The following NPEPPS variants were observed in gnomAD, a reference collection of about 807,000 sequenced individuals.
NPEPPS encodes the protein aminopeptidase puromycin sensitive.
NPEPPS carries 14 observed loss-of-function variants against 115.5 expected under a neutral mutation model. The observed-to-expected ratio is 0.12, with a 90% CI of 0.08 to 0.19. The LOEUF is 0.19. Among genes scored for constraint, NPEPPS ranks in the 10% least tolerant of loss-of-function variants. NPEPPS has a pLI of 1.00. For synonymous variants in NPEPPS, 285 were observed against 390.6 expected (o/e 0.73, Z 3.19); for missense variants, 523 against 1,110.8 (o/e 0.47, Z 7.52).
chr17:47,559,966 C>T (rs1910324229), intron 2 of NPEPPS, among the ~76,000 whole-genome samples: 1 of 152,194 alleles, frequency 6.6e-6, no homozygotes, highest in Admixed American at 6.5e-5. Flanking sequence ...CCTATAGCCT[C>T]AGCTTCTAAA....
chr17:47,588,019 A>G (rs2143860896), intron 9 of NPEPPS, among the ~76,000 whole-genome samples: 1 of 151,792 alleles, frequency 6.6e-6, no homozygotes, highest in South Asian at 2.1e-4. Flanking sequence ...TAAGTGAACT[A>G]GATGTACCTC....
At chr17:47,535,358 T>C (rs1908148844) in intron 1 of NPEPPS, among the ~76,000 whole-genome samples, 1 of 148,160 alleles carries the variant, frequency 6.7e-6, no homozygotes, top group Non-Finnish European at 1.5e-5. Flanking sequence ...GAGACCATCC[T>C]GGCTAACCCA....
chr17:47,570,334 A>T (rs1480381343), intron 3 of NPEPPS, among the ~76,000 whole-genome samples: 1 of 152,216 alleles, frequency 6.6e-6, no homozygotes, highest in Non-Finnish European at 1.5e-5. Context: ...AGGCAAGAAA[A>T]TCGCCAGAAG....
chr17:47,531,575 C>T lies in NPEPPS; in HGVS notation c.255+20C>T. The T allele has an allele frequency of 4.4e-6, 7 of 1,584,960 alleles. No individual in the cohort carries two copies. Among genetic ancestry groups the T allele is most frequent in the Non-Finnish European group, 6.0e-6 (7 of 1,167,712 alleles). Reference sequence around the variant, plus strand: ...GCCCAGGTACAGCGACCCTCGGGCCCCGGGGCAAGCTGCGGGGCGAGCAGT... The same window carrying T: ...GCCCAGGTACAGCGACCCTCGGGCCTCGGGGCAAGCTGCGGGGCGAGCAGT... On this transcript the variant is annotated intron_variant, in intron 1 of 22. Coordinates refer to ENST00000322157, the MANE Select transcript of NPEPPS (RefSeq NM_006310.4).
intron 1 of NPEPPS, 147 bp from the exon 2 acceptor site, chr17:47,545,762 T>G (rs1909157181): frequency 8.7e-7 from 1 of 1,146,668 alleles, no homozygotes; most frequent in East Asian, 2.6e-5. Context: ...TTTTCCAGGC[T>G]GGTCTCACTC....
At chr17:47,602,320 T>C (rs764389983) in intron 15 of NPEPPS, among the ~76,000 whole-genome samples, 23 of 152,070 alleles carry the variant, frequency 1.5e-4, no homozygotes, top group Admixed American at 4.6e-4. Flanking sequence ...CAGACATTTG[T>C]GCTTTTTTTT....
chr17:47,531,730 C>G (rs1415048086), intron 1 of NPEPPS, among the ~76,000 whole-genome samples, 175 bp downstream of exon 1: 30 of 114,278 alleles, frequency 2.6e-4, no homozygotes, highest in African/African-American at 9.3e-4. Flanking sequence ...GGGGCTGGGG[C>G]TGGGGCTGGG....
chr17:47,616,596 A>T (rs935238309), intron 19 of NPEPPS, among the ~76,000 whole-genome samples: 4 of 151,540 alleles, frequency 2.6e-5, no homozygotes, highest in African/African-American at 9.7e-5. Context: ...AGGCAGGAGC[A>T]TTGCTTGAAC....
chr17:47,617,360 C>A (rs1914270367), intron 19 of NPEPPS, among the ~76,000 whole-genome samples: 1 of 152,014 alleles, frequency 6.6e-6, no homozygotes, highest in Non-Finnish European at 1.5e-5. Context: ...GGGTTCTCCC[C>A]CACCCCCTTT....
At chr17:47,544,181 AC>A (rs1330257547) in intron 1 of NPEPPS, among the ~76,000 whole-genome samples, 1 of 152,080 alleles carries the variant, frequency 6.6e-6, no homozygotes, top group African/African-American at 2.4e-5. Context: ...GGCGTGAGCC[AC>A]CGTGCCCGGC....
At chr17:47,523,481 C>G (rs981875000) in intron 1 of NPEPPS, among the ~76,000 whole-genome samples, 14 of 151,062 alleles carry the variant, frequency 9.3e-5, no homozygotes, top group African/African-American at 3.4e-4. Flanking sequence ...AGTGCAATGG[C>G]GTGATCTTGA....
chr17:47,535,728 C>T (rs1230807597), intron 1 of NPEPPS, among the ~76,000 whole-genome samples: 1 of 150,204 alleles, frequency 6.7e-6, no homozygotes, highest in Non-Finnish European at 1.5e-5. Flanking sequence ...ATATTTTGAT[C>T]CTCTCCGTTT....
At chr17:47,541,022 G>C (rs1435433860) in intron 1 of NPEPPS, among the ~76,000 whole-genome samples, 1 of 152,182 alleles carries the variant, frequency 6.6e-6, no homozygotes, top group Admixed American at 6.5e-5. Flanking sequence ...AAATAGATGA[G>C]TTTCCCTTAA....
Position 47,544,019 on chromosome 17 carries a change from C to T in NPEPPS, c.256-1890C>T, listed in dbSNP as rs536745992. Among the ~76,000 whole-genome samples, 14 of 152,218 alleles carry T rather than the reference C, an allele frequency of 9.2e-5. 1 individual carries two copies. In the South Asian group the frequency reaches 2.7e-3, roughly 29 times the overall value. On this transcript the variant is annotated intron_variant, in intron 1 of 22. Transcript: ENST00000322157. ...ACATCATTCTCCTGCCTCAGCCTCC[C>T]GAGTAGCTGGGACTACAGGCACCTG...
In NPEPPS at chr17:47,622,120, AAAAT is replaced by A. The variant is rs903263407; in HGVS notation, c.*208_*211del. On this transcript the variant is annotated 3_prime_UTR_variant, in exon 23 of 23. Transcript: ENST00000322157. Reference sequence around the variant, plus strand: ...AAAAGGAAAATCAGCAATTCAGCAAAAAATAAATAAAAAATAAAAATGTAAATAT... The same window carrying A: ...AAAAGGAAAATCAGCAATTCAGCAAAAAATAAAAAATAAAAATGTAAATAT... 8.6e-6 allele frequency: 11 copies of A among 1,275,192 alleles called. No individual in the cohort carries two copies. In the Admixed American group the frequency reaches 1.1e-4, roughly 12 times the overall value. 79.0% of individuals were successfully genotyped at this position (1,275,192 alleles called of 1,614,324 possible).
chr17:47,568,202 C>T (rs1236065510), intron 2 of NPEPPS, among the ~76,000 whole-genome samples: 9 of 148,464 alleles, frequency 6.1e-5, no homozygotes, highest in Admixed American at 4.1e-4. Flanking sequence ...CTCGCTCTGT[C>T]GCCCAGGCTG....
intron 2 of NPEPPS, among the ~76,000 whole-genome samples, chr17:47,551,991 TGAGACAGGTCTTTC>T (rs1909688986): frequency 7.4e-6 from 1 of 135,138 alleles, no homozygotes; most frequent in Non-Finnish European, 1.6e-5. Context: ...CTTTTTTTTT[TGAGACAGGTCTTTC>T]TCTGTCATCC....
At chr17:47,606,966 G>A (rs893284027) in intron 17 of NPEPPS, among the ~76,000 whole-genome samples, 5 of 151,800 alleles carry the variant, frequency 3.3e-5, no homozygotes, top group African/African-American at 4.8e-5. Context: ...AGGCTGAGGC[G>A]GGTGGATCAC....
intron 12 of NPEPPS, among the ~76,000 whole-genome samples, chr17:47,593,536 G>A (rs1912644205): frequency 6.6e-6 from 1 of 152,034 alleles, no homozygotes; most frequent in African/African-American, 2.4e-5. Flanking sequence ...CTCCAGCCTG[G>A]GCAACAGAAC....
Sources: allele counts gnomAD v4.1 joint callset (sites outside exome capture counted in the v4.1 genomes callset), GRCh38; gene constraint gnomAD v4.1.1; transcripts MANE v1.5; gene names NCBI Gene and HGNC (gene_info 2026-07-23, HGNC 2026-07-21).